Variants in FOXP1 observed in about 807,000 individuals in gnomAD.
FOXP1 encodes the protein forkhead box protein P1.
Under a neutral mutation model 98.2 loss-of-function variants are expected in FOXP1, and 15 were observed. That is an observed-to-expected ratio of 0.15 (90% CI 0.10 to 0.24). FOXP1 has a LOEUF of 0.24. Ranked by LOEUF, FOXP1 falls within the 10% of genes least tolerant of loss-of-function variation. The pLI, the probability that FOXP1 is intolerant of heterozygous loss-of-function variation, is 1.00. For synonymous variants in FOXP1, 371 were observed against 314.5 expected, an observed-to-expected ratio of 1.18 and a Z score of -1.90; for missense variants, 633 against 848.5, an observed-to-expected ratio of 0.75 and a Z score of 3.15.
chr3:70,998,511 T>C (rs1258433032), intron 13 of FOXP1, among the ~76,000 whole-genome samples: 1 of 152,180 alleles, frequency 6.6e-6, no homozygotes, highest in African/African-American at 2.4e-5. Flanking sequence ...TTTGCAGAAA[T>C]GGAACACGTC....
intron 2 of FOXP1, among the ~76,000 whole-genome samples, chr3:71,497,988 G>A (rs558465239): frequency 1.3e-5 from 2 of 152,306 alleles, no homozygotes; most frequent in South Asian, 4.1e-4. Context: ...CATCTTGGGG[G>A]TCATTAGAAA....
intron 2 of FOXP1, among the ~76,000 whole-genome samples, chr3:71,495,137 G>T (rs1333652368): frequency 1.3e-5 from 2 of 152,254 alleles, no homozygotes; most frequent in Non-Finnish European, 2.9e-5. Context: ...TTCAAGCAAG[G>T]CAAGTGTCTT....
chr3:71,313,815 G>A (rs1380566382), intron 4 of FOXP1, among the ~76,000 whole-genome samples: 1 of 152,062 alleles, frequency 6.6e-6, no homozygotes, highest in Non-Finnish European at 1.5e-5. Flanking sequence ...ATGAGCCACC[G>A]TGCCCGGTCG....
At chr3:71,582,547 C>G (rs997080426) in intron 1 of FOXP1, 23 of 985,286 alleles carry the variant, frequency 2.3e-5, no homozygotes, top group Non-Finnish European at 2.5e-5. Flanking sequence ...AGGGACGAGG[C>G]GACACGCGCG....
Position 71,124,084 on chromosome 3 carries a change from G to C in FOXP1, c.181-11447C>G, listed in dbSNP as rs533889609. ...ACTCAGCATCATGCAACATACCCAG[G>C]TAACAAATCTGCACATGTACCCATG... is the stretch of plus-strand genomic sequence containing the variant. On this transcript the variant is annotated intron_variant, in intron 6 of 20. Transcript: ENST00000649528. Among the ~76,000 whole-genome samples the C allele has an allele frequency of 9.9e-5, 15 of 151,444 alleles. 1 individual carries two copies. In the East Asian group the frequency reaches 2.3e-3, roughly 24 times the overall value.
In FOXP1 at chr3:71,009,339, A is replaced by G. The variant is rs1426857723; in HGVS notation, c.974+6210T>C. 2.0e-5 allele frequency among the ~76,000 whole-genome samples: 3 copies of G among 152,240 alleles called. No individual in the cohort carries two copies. The East Asian group carries it at 5.8e-4, about 29-fold the overall frequency. ...CAGCAAACTGTGGTCCAAGGGACACAGCCATACTCGTTCCTTGTTCCTTAC... is the reference window on the plus strand; with the variant it reads ...CAGCAAACTGTGGTCCAAGGGACACGGCCATACTCGTTCCTTGTTCCTTAC... On this transcript the variant is annotated intron_variant, in intron 12 of 20. Coordinates refer to ENST00000649528, the MANE Select transcript of FOXP1 (RefSeq NM_001349338.3).
intron 7 of FOXP1, among the ~76,000 whole-genome samples, chr3:71,068,528 G>C (rs1407570239): frequency 6.6e-6 from 1 of 152,194 alleles, no homozygotes; most frequent in East Asian, 1.9e-4. Context: ...TTTGCCAGAA[G>C]CTGCTTGGAA....
intron 4 of FOXP1, among the ~76,000 whole-genome samples, chr3:71,341,773 C>A (rs1403759597): frequency 5.3e-5 from 8 of 152,200 alleles, no homozygotes; most frequent in Non-Finnish European, 1.0e-4. Flanking sequence ...GTTAACAGAT[C>A]CACCAACATA....
At chr3:71,541,322 A>C (rs1481818440) in intron 2 of FOXP1, among the ~76,000 whole-genome samples, 1 of 152,214 alleles carries the variant, frequency 6.6e-6, no homozygotes, top group African/African-American at 2.4e-5. Flanking sequence ...TTTTTAATGA[A>C]AATAAAAAAA....
intron 2 of FOXP1, among the ~76,000 whole-genome samples, chr3:71,547,642 A>C (rs745353072): frequency 6.6e-5 from 10 of 152,230 alleles, no homozygotes; most frequent in Admixed American, 4.6e-4. Context: ...CAAGGCAGAG[A>C]AGAATGTGAA....
intron 4 of FOXP1, among the ~76,000 whole-genome samples, chr3:71,353,237 G>A (rs1318922989): frequency 2.0e-5 from 3 of 152,140 alleles, no homozygotes; most frequent in African/African-American, 4.8e-5. Context: ...AATCTTCCCC[G>A]CTGCTCCTCA....
chr3:71,331,890 T>C (rs948609123), intron 4 of FOXP1, among the ~76,000 whole-genome samples: 3 of 151,756 alleles, frequency 2.0e-5, no homozygotes, highest in African/African-American at 4.8e-5. Flanking sequence ...GCTAATCTAG[T>C]GGGGAGGTGG....
chr3:71,215,283 C>T (rs796205634), intron 5 of FOXP1, among the ~76,000 whole-genome samples: 5 of 152,278 alleles, frequency 3.3e-5, no homozygotes, highest in African/African-American at 1.2e-4. Context: ...AATATTTATT[C>T]TATAGTTAAT....
chr3:70,970,406 TTAATAGCTGTGC>T, intron 19 of FOXP1: 2 of 359,928 alleles, frequency 5.6e-6, no homozygotes, highest in East Asian at 1.3e-4. Context: ...ATCCAGCACA[TTAATAGCTGTGC>T]TAGAGTAATT....
chr3:71,411,338 G>A (rs1039384396), intron 3 of FOXP1, among the ~76,000 whole-genome samples: 1 of 144,578 alleles, frequency 6.9e-6, no homozygotes, highest in Non-Finnish European at 1.5e-5. Flanking sequence ...TGTGAGTGAC[G>A]GAGTCTTGCT....
intron 6 of FOXP1, among the ~76,000 whole-genome samples, chr3:71,151,048 A>G (rs1278680389): frequency 6.6e-6 from 1 of 152,192 alleles, no homozygotes; most frequent in Non-Finnish European, 1.5e-5. Flanking sequence ...TTACTGGTTT[A>G]AGAGCACTGG....
chr3:71,132,654 A>C (rs1003144416), intron 6 of FOXP1, among the ~76,000 whole-genome samples: 1 of 152,202 alleles, frequency 6.6e-6, no homozygotes, highest in Non-Finnish European at 1.5e-5. Flanking sequence ...CTTCTTTTGC[A>C]GCACGCTTGG....
At chr3:71,065,081 C>CCGCGCCCG (rs956235997) in intron 7 of FOXP1, among the ~76,000 whole-genome samples, 395 of 148,082 alleles carry the variant, frequency 2.7e-3, no homozygotes, top group Non-Finnish European at 4.1e-3. Flanking sequence ...GGCCCGCGCC[C>CCGCGCCCG]CGCGCCCGCG....
At chr3:71,038,435 A>G (rs2047898244) in intron 11 of FOXP1, among the ~76,000 whole-genome samples, 1 of 152,200 alleles carries the variant, frequency 6.6e-6, no homozygotes, top group African/African-American at 2.4e-5. Flanking sequence ...TATTTCACAA[A>G]TGCATTGATG....
Sources: allele counts gnomAD v4.1 joint callset (sites outside exome capture counted in the v4.1 genomes callset), GRCh38; gene constraint gnomAD v4.1.1; transcripts MANE v1.5; gene names NCBI Gene and HGNC (gene_info 2026-07-23, HGNC 2026-07-21).